RPL27: variants seen among roughly 807,000 people sequenced by gnomAD.
RPL27 encodes large ribosomal subunit protein eL27.
For synonymous variants in RPL27, 77 were observed against 61.0 expected, an observed-to-expected ratio of 1.26 and a Z score of -1.22; for missense variants, 131 against 174.3, an observed-to-expected ratio of 0.75 and a Z score of 1.40.
chr17:42,998,646 T>C (rs1186219296), intron 1 of RPL27, 103 bp from the exon 2 acceptor site: 1 of 872,866 alleles, frequency 1.1e-6, no homozygotes, highest in Non-Finnish European at 1.9e-6. Context: ...GTGAACACAG[T>C]CTGAAGTTCC....
chr17:42,998,711 C>T (rs780842058), intron 1 of RPL27, 38 bp from the exon 2 acceptor site: 2 of 1,526,894 alleles, frequency 1.3e-6, no homozygotes, highest in Admixed American at 3.4e-5. Flanking sequence ...TTTGGCTTTA[C>T]GGATTTTTAA....
chr17:42,999,145 G>A (rs936140452), intron 2 of RPL27: 9 of 271,656 alleles, frequency 3.3e-5, no homozygotes, highest in Non-Finnish European at 4.9e-5. Flanking sequence ...AGTAATCATA[G>A]GGGATTCCTT....
At chr17:43,000,931 C>G (rs2050354674) in intron 3 of RPL27, among the ~76,000 whole-genome samples, 2 of 152,008 alleles carry the variant, frequency 1.3e-5, no homozygotes, top group South Asian at 2.1e-4. Context: ...ATCCTGTAAT[C>G]CCAGCTATTT....
At chr17:43,001,849 TG>T (rs928169378) in intron 3 of RPL27, among the ~76,000 whole-genome samples, 1 of 151,740 alleles carries the variant, frequency 6.6e-6, no homozygotes, top group Non-Finnish European at 1.5e-5. Context: ...CCCAGCACTT[TG>T]GGAGGCCGAG....
At chr17:43,001,025 G>T (rs868634248) in intron 3 of RPL27, among the ~76,000 whole-genome samples, 10 of 151,010 alleles carry the variant, frequency 6.6e-5, no homozygotes, top group African/African-American at 2.2e-4. Flanking sequence ...CTCCAGCCTG[G>T]GCAAGGAGAG....
At chr17:42,999,763 C>T in intron 2 of RPL27, 170 bp from the exon 3 acceptor site, 1 of 588,600 alleles carries the variant, frequency 1.7e-6, no homozygotes, top group Non-Finnish European at 3.0e-6. Flanking sequence ...GAGATAAACA[C>T]TGTTCTGTTT....
At chr17:43,001,363 C>T (rs575288702) in intron 3 of RPL27, among the ~76,000 whole-genome samples, 5 of 152,010 alleles carry the variant, frequency 3.3e-5, no homozygotes, top group African/African-American at 4.8e-5. Flanking sequence ...CCATGGCTCA[C>T]GCCTGTAATC....
Position 43,000,018 on chromosome 17 carries a change from C to T in RPL27, c.167C>T (p.Ala56Val), listed in dbSNP as rs565340960. The T allele has an allele frequency of 6.2e-7, 1 of 1,612,526 alleles. No homozygotes were observed. Among genetic ancestry groups the T allele is most frequent in the East Asian group, 2.2e-5 (1 of 44,882 alleles). The change falls in exon 3 of 5, where the codon GCC becomes GTC. Residue 56 changes from alanine to valine, a missense_variant. Ala to Val is a moderately conservative substitution (Grantham distance 64). Transcript: ENST00000253788. ...IDRYPRKVTA[A>V]MGKKKIAKRS... ...CGCTACCCCCGCAAAGTGACAGCTG[C>T]CATGGGCAAGAAGAAGATCGCCAAG... is the stretch of plus-strand genomic sequence containing the variant.
At chr17:43,002,055 C>G (rs1273868104) in intron 3 of RPL27, among the ~76,000 whole-genome samples, 1 of 151,586 alleles carries the variant, frequency 6.6e-6, no homozygotes, top group Non-Finnish European at 1.5e-5. Flanking sequence ...GATTGCGCCA[C>G]TGCACTCCAG....
At chr17:43,000,590 A>G (rs9895897) in intron 3 of RPL27, among the ~76,000 whole-genome samples, 3,970 of 147,196 alleles carry the variant, frequency 0.027, 186 homozygotes, top group African/African-American at 0.094. Context: ...GGCACCTGCC[A>G]CCACACCTGG....
chr17:42,998,929 G>C, intron 2 of RPL27, 98 bp downstream of exon 2: 2 of 951,728 alleles, frequency 2.1e-6, no homozygotes, highest in Non-Finnish European at 1.7e-6. Flanking sequence ...TTCTGGGGCA[G>C]TAGCCAGTGA....
chr17:43,001,023 T>C (rs2050355604), intron 3 of RPL27, among the ~76,000 whole-genome samples: 1 of 149,206 alleles, frequency 6.7e-6, no homozygotes, highest in Admixed American at 6.7e-5. Flanking sequence ...TACTCCAGCC[T>C]GGGCAAGGAG....
intron 2 of RPL27, 123 bp from the exon 3 acceptor site, chr17:42,999,810 C>A: frequency 1.5e-6 from 1 of 684,352 alleles, no homozygotes; most frequent in Non-Finnish European, 2.5e-6. Context: ...TGTGATTTTT[C>A]TCTTTATAAT....
Position 42,999,963 on chromosome 17 carries a change from T to C in RPL27, c.112T>C (p.Tyr38His). The C allele has an allele frequency of 6.2e-7, 1 of 1,612,206 alleles. No homozygotes were observed. The highest frequency in any genetic ancestry group is 8.5e-7 in the Non-Finnish European group (1 of 1,179,938). Residue 38 changes from tyrosine to histidine, a missense_variant, in exon 3 of 5, where the codon TAC becomes CAC. By Grantham distance (83) the Tyr-to-His change is moderately conservative. Transcript: ENST00000253788. ...NIDDGTSDRP[Y>H]SHALVAGIDR... ...TGATGATGGCACCTCAGATCGCCCC[T>C]ACAGCCATGCTCTGGTGGCTGGAAT...
At chr17:43,002,351 C>T (rs566335188) in intron 3 of RPL27, among the ~76,000 whole-genome samples, 2 of 151,432 alleles carry the variant, frequency 1.3e-5, no homozygotes, top group Non-Finnish European at 2.9e-5. Flanking sequence ...TAAAAAAATA[C>T]AAAAAATTAG....
chr17:42,998,484 T>C lies in RPL27; in HGVS notation c.-3+13T>C, dbSNP rs913440798. 8.5e-6 allele frequency: 3 copies of C among 354,616 alleles called. No homozygotes were observed. Among genetic ancestry groups the C allele is most frequent in the African/African-American group, 4.4e-5 (2 of 45,858 alleles). The allele number at this position is 354,616 out of a possible 1,614,324, so 22.0% of individuals were successfully genotyped here. On this transcript the variant is annotated intron_variant, in intron 1 of 4. Coordinates refer to ENST00000253788, the MANE Select transcript of RPL27 (RefSeq NM_000988.5). ...GTGGTTGCTGCCGGTAAGTAGAAGC[T>C]TGGGTTGAATCTTTCAATCCGCTGC...
rs2050329181 is a variant in RPL27, at chr17:42,998,915, C to G, written c.81+84C>G. The G allele has an allele frequency of 2.3e-5, 25 of 1,103,494 alleles. No homozygotes were observed. In the East Asian group the frequency reaches 5.9e-4, roughly 26 times the overall value. The allele number at this position is 1,103,494 out of a possible 1,614,324, so 68.4% of individuals were successfully genotyped here. A position where few individuals can be genotyped will look rare whatever the true frequency, so the allele number is the denominator to read the frequency against. ...GGCGGGCAGGCTTGGAATTCAAGGC[C>G]TGTTTCTGGGGCAGTAGCCAGTGAG... On this transcript the variant is annotated intron_variant, in intron 2 of 4. Coordinates refer to ENST00000253788, the MANE Select transcript of RPL27 (RefSeq NM_000988.5).
chr17:42,998,431 C>A lies in RPL27; in HGVS notation c.-43C>A. 1 of 190,632 alleles carries A rather than the reference C, an allele frequency of 5.2e-6. No individual in the cohort carries two copies. The highest frequency in any genetic ancestry group is 9.7e-6 in the Non-Finnish European group (1 of 103,306). The allele number at this position is 190,632 out of a possible 1,614,324, so 11.8% of individuals were successfully genotyped here. The stretch of plus-strand genomic sequence containing the variant: ...GGGGTGAAAGGTTAGCGGAAGTGTC[C>A]TTCTTTCCTTTTTGCTGGTAGGGCC... On this transcript the variant is annotated 5_prime_UTR_variant, in exon 1 of 5. Coordinates refer to ENST00000253788, the MANE Select transcript of RPL27 (RefSeq NM_000988.5).
At chr17:43,002,367 C>A (rs1040396637) in intron 3 of RPL27, among the ~76,000 whole-genome samples, 3 of 151,008 alleles carry the variant, frequency 2.0e-5, no homozygotes, top group African/African-American at 7.3e-5. Context: ...ATTAGCCAGG[C>A]CTGATGGCGG....
Sources: allele counts gnomAD v4.1 joint callset (sites outside exome capture counted in the v4.1 genomes callset), GRCh38; gene constraint gnomAD v4.1.1; transcripts MANE v1.5; gene names NCBI Gene and HGNC (gene_info 2026-07-23, HGNC 2026-07-21).